The following FHIP2A variants were observed in gnomAD, a reference collection of about 807,000 sequenced individuals.
The protein encoded by FHIP2A is family with sequence similarity 160 member B1.
FHIP2A carries 46 observed loss-of-function variants against 93.5 expected under a neutral mutation model. The ratio of observed to expected loss-of-function variants is 0.49; its 90% CI spans 0.39 to 0.63. FHIP2A has a LOEUF of 0.63. Among genes scored for constraint, FHIP2A ranks in the 20% least tolerant of loss-of-function variants. The probability of loss-of-function intolerance (pLI) is 0.00; values close to 1 mark genes in which losing one functional copy is unlikely to be tolerated. For synonymous variants in FHIP2A, 332 were observed against 326.5 expected, an observed-to-expected ratio of 1.02 and a Z score of -0.18; for missense variants, 769 against 909.7, an observed-to-expected ratio of 0.85 and a Z score of 1.99.
chr10:114,827,695 G>A (rs1187174773), intron 1 of FHIP2A, among the ~76,000 whole-genome samples: 2 of 151,542 alleles, frequency 1.3e-5, no homozygotes, highest in Admixed American at 1.3e-4. Context: ...TACTCGGGAG[G>A]CTGAGGCAGG....
chr10:114,873,202 T>C (rs1592030069), intron 16 of FHIP2A, among the ~76,000 whole-genome samples: 2 of 152,244 alleles, frequency 1.3e-5, no homozygotes, highest in East Asian at 3.8e-4. Flanking sequence ...TTTCCATATA[T>C]TTTTGTTGAT....
chr10:114,838,136 C>T (rs560602338), intron 5 of FHIP2A, among the ~76,000 whole-genome samples: 4 of 152,300 alleles, frequency 2.6e-5, no homozygotes, highest in East Asian at 1.9e-4. Flanking sequence ...CAACAGTGTA[C>T]GTGAGCTCCT....
rs2083635836 is a variant in FHIP2A, at chr10:114,836,171, T to C, written c.447T>C (p.Asn149=). 6 of 1,603,652 alleles carry C rather than the reference T, an allele frequency of 3.7e-6. No homozygotes were observed. The highest frequency in any genetic ancestry group is 4.3e-6 in the Non-Finnish European group (5 of 1,172,538). Reference sequence around the variant, plus strand: ...AAGTCCTAGCAACACCAACAGAAAATGAAGAGATTCAGTTTCTTTGCATTG... The same window carrying C: ...AAGTCCTAGCAACACCAACAGAAAACGAAGAGATTCAGTTTCTTTGCATTG... ...CGEVLATPTE[N]EEIQFLCIVC... The change falls in exon 5 of 17, where the codon AAT becomes AAC. Residue 149 remains asparagine, a synonymous_variant. Coordinates refer to ENST00000369248, the MANE Select transcript of FHIP2A (RefSeq NM_020940.4).
At chr10:114,834,378 G>A (rs958858177) in intron 3 of FHIP2A, among the ~76,000 whole-genome samples, 1 of 152,128 alleles carries the variant, frequency 6.6e-6, no homozygotes, top group African/African-American at 2.4e-5. Flanking sequence ...TGATTTTTGA[G>A]CAGAAGTTAG....
In FHIP2A at chr10:114,861,726, C is replaced by T; in HGVS notation, c.*186C>T. On this transcript the variant is annotated 3_prime_UTR_variant, in exon 17 of 17. Transcript: ENST00000369248. ...GTGAAATGTTGTATAATGTTGTTTT[C>T]ATTGGCTTTATCATAATGGTTCTAT... 1 of 1,371,150 alleles carries T rather than the reference C, an allele frequency of 7.3e-7. No homozygotes were observed. The highest frequency in any genetic ancestry group is 9.4e-7 in the Non-Finnish European group (1 of 1,063,232). The allele number at this position is 1,371,150 out of a possible 1,614,324, so 84.9% of individuals were successfully genotyped here.
At chr10:114,822,571 G>T (rs1171810941) in intron 1 of FHIP2A, among the ~76,000 whole-genome samples, 1 of 152,254 alleles carries the variant, frequency 6.6e-6, no homozygotes, top group Non-Finnish European at 1.5e-5. Flanking sequence ...AGCAAGCACC[G>T]CTTGGGCTTG....
chr10:114,845,231 C>A, intron 7 of FHIP2A, 136 bp from the exon 8 acceptor site: 1 of 510,002 alleles, frequency 2.0e-6, no homozygotes, highest in South Asian at 3.7e-5. Flanking sequence ...CCTCTTCTCA[C>A]TGTCCTCCAG....
chr10:114,860,563 G>C (rs1461262138), intron 14 of FHIP2A, among the ~76,000 whole-genome samples, 186 bp from the exon 15 acceptor site: 1 of 152,058 alleles, frequency 6.6e-6, no homozygotes, highest in Non-Finnish European at 1.5e-5. Flanking sequence ...TGTTGGTCAG[G>C]CTGGTCTCGA....
At chr10:114,867,208 C>CA (rs11392511), downstream of FHIP2A, among the ~76,000 whole-genome samples, 44,163 of 123,440 alleles carry the variant, frequency 0.36, 7,412 homozygotes, top group Non-Finnish European at 0.42. Flanking sequence ...GACTCCATCT[C>CA]AAAAAAAAAA....
chr10:114,876,959 G>A (rs897068846), intron 16 of FHIP2A, among the ~76,000 whole-genome samples: 3 of 149,814 alleles, frequency 2.0e-5, no homozygotes, highest in African/African-American at 7.5e-5. Context: ...TTAAGTTACC[G>A]GAATAATTCT....
chr10:114,897,164 G>A (rs951729458), intron 16 of FHIP2A, among the ~76,000 whole-genome samples: 2 of 152,178 alleles, frequency 1.3e-5, no homozygotes, highest in Admixed American at 6.5e-5. Context: ...ATATTTGGCG[G>A]TGCTTTTACC....
At chr10:114,885,404 A>G (rs1211536610) in intron 16 of FHIP2A, among the ~76,000 whole-genome samples, 3 of 151,928 alleles carry the variant, frequency 2.0e-5, no homozygotes, top group African/African-American at 4.8e-5. Context: ...TGAGAAAAAA[A>G]AAAAAAAGAA....
chr10:114,898,313 C>T (rs1253188847), intron 16 of FHIP2A, among the ~76,000 whole-genome samples: 1 of 152,160 alleles, frequency 6.6e-6, no homozygotes, highest in African/African-American at 2.4e-5. Context: ...TTATTCTTTC[C>T]CACTTGCTCC....
chr10:114,867,813 A>C (rs1289865208), downstream of FHIP2A, among the ~76,000 whole-genome samples: 2 of 151,956 alleles, frequency 1.3e-5, no homozygotes, highest in Non-Finnish European at 2.9e-5. Context: ...GCCAGAGCTC[A>C]CTCCTGCCAG....
At position 114,863,357 on chromosome 10, in the gene FHIP2A, T is replaced by C. The variant is rs762288667; in HGVS notation, c.*1817T>C. On this transcript the variant is annotated 3_prime_UTR_variant, in exon 17 of 17. Coordinates refer to ENST00000369248, the MANE Select transcript of FHIP2A (RefSeq NM_020940.4). ...ATTTAAACTAAGGCATTAAGAGATA[T>C]TAGATATTTCTTAATGTTTTCATAG... The C allele has an allele frequency of 2.5e-3, 2,510 of 990,206 alleles. 6 individuals carry two copies. The highest frequency in any genetic ancestry group is 2.8e-3 in the Non-Finnish European group (2,302 of 831,270). 61.3% of individuals were successfully genotyped at this position (990,206 alleles called of 1,614,324 possible). A position where few individuals can be genotyped will look rare whatever the true frequency, so the allele number is the denominator to read the frequency against.
chr10:114,851,162 C>A (rs781319120), intron 13 of FHIP2A, among the ~76,000 whole-genome samples: 3 of 152,192 alleles, frequency 2.0e-5, no homozygotes, highest in Admixed American at 6.5e-5. Flanking sequence ...GATCTGCCCA[C>A]CTTGGCCTCT....
At chr10:114,877,014 A>G (rs916907502) in intron 16 of FHIP2A, among the ~76,000 whole-genome samples, 48 of 152,062 alleles carry the variant, frequency 3.2e-4, no homozygotes, top group African/African-American at 1.1e-3. Flanking sequence ...TGCAGCTTTT[A>G]TCTGCAACTG....
intron 15 of FHIP2A, 33 bp from the exon 16 acceptor site, chr10:114,861,198 C>G: frequency 1.2e-5 from 19 of 1,609,708 alleles, no homozygotes; most frequent in Non-Finnish European, 1.6e-5. Flanking sequence ...TAGCTGATTT[C>G]AGGAACTGAA....
In FHIP2A at chr10:114,861,334, T is replaced by C. The variant is rs1566378166; in HGVS notation, c.2192T>C (p.Ile731Thr). ...RLLGLEPEGP[I>T]IDHITLLEGV... Reference sequence around the variant, plus strand: ...CTTGGTTTGGAACCTGAAGGCCCTATGTAAGTTAGTGTTTTACATTTTTTT... The same window carrying C: ...CTTGGTTTGGAACCTGAAGGCCCTACGTAAGTTAGTGTTTTACATTTTTTT... The change falls in exon 16 of 17, where the codon ATT becomes ACT. Residue 731 changes from isoleucine to threonine, a missense_variant and splice_region_variant. Transcript: ENST00000369248. 2 of 1,613,974 alleles carry C rather than the reference T, an allele frequency of 1.2e-6. No individual in the cohort carries two copies. Among genetic ancestry groups the C allele is most frequent in the African/African-American group, 1.3e-5 (1 of 75,028 alleles).
Sources: gnomAD v4.1 joint callset for allele counts (sites outside exome capture counted in the v4.1 genomes callset) on GRCh38, gnomAD v4.1.1 for gene constraint, MANE v1.5 for transcripts, NCBI Gene and HGNC (gene_info 2026-07-23, HGNC 2026-07-21) for gene names.